UGT2A2: variants seen among roughly 807,000 people sequenced by gnomAD.
UGT2A2 encodes UDP glucuronosyltransferase family 2 member A2, also known as UDP-glucuronosyltransferase 2A2.
A neutral mutation model predicts 50.7 loss-of-function variants in UGT2A2; 60 were observed. That is an observed-to-expected ratio of 1.18 (90% CI 0.96 to 1.47). The LOEUF (loss-of-function observed/expected upper bound fraction) is 1.47. Among genes scored for constraint, UGT2A2 ranks in the 40% most tolerant of loss-of-function variants. The probability of loss-of-function intolerance (pLI) is 0.00; values close to 1 mark genes in which losing one functional copy is unlikely to be tolerated. For synonymous variants in UGT2A2, 242 were observed against 214.6 expected (o/e 1.13, Z -1.11); for missense variants, 762 against 634.0 (o/e 1.20, Z -2.17).
rs369273132 is a variant in UGT2A2, at chr4:69,639,478, T to C, written c.163A>G (p.Arg55Gly). The change falls in exon 1 of 6, where the codon AGA (arginine) becomes GGA (glycine). Residue 55 changes from arginine (R) to glycine (G), a missense_variant. Coordinates refer to ENST00000604629, the MANE Select transcript of UGT2A2 (RefSeq NM_001105677.2). ...GCCAGTACAGTCACATTGTGATTTC[T>C]TTGAATCAACTCTTCTAGAATAATC... ...IKIILEELIQ[R>G]NHNVTVLASS... 32 of 1,613,108 alleles carry C rather than the reference T, an allele frequency of 2.0e-5. No homozygotes were observed. In the African/African-American group the frequency reaches 4.0e-4, roughly 20 times the overall value.
At chr4:69,590,768 T>G (rs1216457620) in intron 5 of UGT2A2, among the ~76,000 whole-genome samples, 1 of 152,026 alleles carries the variant, frequency 6.6e-6, no homozygotes, top group African/African-American at 2.4e-5. Context: ...AATCAAAAAA[T>G]AAGAAGAAGA....
intron 1 of UGT2A2, among the ~76,000 whole-genome samples, chr4:69,600,034 C>T (rs1278238253): frequency 1.3e-5 from 2 of 152,202 alleles, no homozygotes; most frequent in South Asian, 2.1e-4. Flanking sequence ...CAAGAAGCAA[C>T]ACAGAAACTT....
chr4:69,593,149 C>T (rs1484655581), intron 5 of UGT2A2, among the ~76,000 whole-genome samples: 1 of 152,004 alleles, frequency 6.6e-6, no homozygotes, highest in Non-Finnish European at 1.5e-5. Flanking sequence ...GTGAATATTG[C>T]TAAACATTAT....
At chr4:69,615,618 A>T (rs1720333839) in intron 1 of UGT2A2, among the ~76,000 whole-genome samples, 1 of 152,080 alleles carries the variant, frequency 6.6e-6, no homozygotes, top group South Asian at 2.1e-4. Flanking sequence ...GAAATGGTCA[A>T]CATCACTATT....
At chr4:69,619,703 A>C (rs1390980840) in intron 1 of UGT2A2, among the ~76,000 whole-genome samples, 1 of 152,026 alleles carries the variant, frequency 6.6e-6, no homozygotes, top group Non-Finnish European at 1.5e-5. Context: ...ACAAAAAATA[A>C]AATAAAATTC....
chr4:69,626,999 G>C (rs776111440), intron 1 of UGT2A2, among the ~76,000 whole-genome samples: 51 of 151,626 alleles, frequency 3.4e-4, no homozygotes, highest in Non-Finnish European at 6.0e-4. Context: ...CACTTCTCCA[G>C]TGAACGGTAT....
At chr4:69,634,115 G>A (rs990343988) in intron 1 of UGT2A2, among the ~76,000 whole-genome samples, 1 of 151,918 alleles carries the variant, frequency 6.6e-6, no homozygotes, top group East Asian at 1.9e-4. Flanking sequence ...CTTGGTGACC[G>A]GCGCCTGTAG....
intron 1 of UGT2A2, among the ~76,000 whole-genome samples, chr4:69,608,756 C>A (rs540354190): frequency 6.6e-6 from 1 of 151,844 alleles, no homozygotes; most frequent in Non-Finnish European, 1.5e-5. Context: ...AGTGCAGTGG[C>A]GCCATCTCAG....
intron 1 of UGT2A2, among the ~76,000 whole-genome samples, chr4:69,603,182 C>A (rs1365742181): frequency 7.3e-6 from 1 of 136,166 alleles, no homozygotes; most frequent in Admixed American, 7.2e-5. Flanking sequence ...AAAATCCATA[C>A]GGAAAAGCAA....
chr4:69,612,235 A>C (rs192714115), intron 1 of UGT2A2, among the ~76,000 whole-genome samples: 125 of 152,178 alleles, frequency 8.2e-4, no homozygotes, highest in Non-Finnish European at 1.3e-3. Context: ...GAATTATTTG[A>C]AATAGAATAT....
At chr4:69,625,516 T>C (rs324309) in intron 1 of UGT2A2, among the ~76,000 whole-genome samples, 1 of 151,400 alleles carries the variant, frequency 6.6e-6, no homozygotes, top group Non-Finnish European at 1.5e-5. Flanking sequence ...AAATTCTTTT[T>C]TTCTATGCTG....
chr4:69,613,694 A>G (rs1720201974), intron 1 of UGT2A2, among the ~76,000 whole-genome samples: 1 of 152,070 alleles, frequency 6.6e-6, no homozygotes, highest in African/African-American at 2.4e-5. Flanking sequence ...TAAATGTGAT[A>G]CATCTTATCA....
At position 69,588,453 on chromosome 4, in the gene UGT2A2, A is replaced by G. The variant is rs1718378457; in HGVS notation, c.*919T>C. 1 of 152,132 alleles carries G rather than the reference A, an allele frequency of 6.6e-6. No individual in the cohort carries two copies. Among genetic ancestry groups the G allele is most frequent in the African/African-American group, 2.4e-5 (1 of 41,454 alleles). The allele number at this position is 152,132 out of a possible 1,614,324, so 9.4% of individuals were successfully genotyped here. ...GTAAGCATTTTTTATTTTTTGGCATAAAATTAAACTTTTGATTACAAATAG... is the reference window on the plus strand; with the variant it reads ...GTAAGCATTTTTTATTTTTTGGCATGAAATTAAACTTTTGATTACAAATAG... On this transcript the variant is annotated 3_prime_UTR_variant, in exon 6 of 6. Coordinates refer to ENST00000604629, the MANE Select transcript of UGT2A2 (RefSeq NM_001105677.2).
chr4:69,592,136 A>G lies in UGT2A2; in HGVS notation c.1331+2341T>C, dbSNP rs533887071. ...ATGCCTGGCAAAGGTCACTGAATAG[A>G]TGTTTTTAAGCAGGTTACTTCCGTT... On this transcript the variant is annotated intron_variant, in intron 5 of 5. Coordinates refer to ENST00000604629, the MANE Select transcript of UGT2A2 (RefSeq NM_001105677.2). Among the ~76,000 whole-genome samples the G allele has an allele frequency of 2.0e-5, 3 of 152,274 alleles. No homozygotes were observed. The South Asian group carries it at 6.2e-4, about 32-fold the overall frequency.
Position 69,599,265 on chromosome 4 carries a change from G to A in UGT2A2, c.872C>T (p.Pro291Leu). The A allele has an allele frequency of 1.9e-6, 3 of 1,613,588 alleles. No homozygotes were observed. Among genetic ancestry groups the A allele is most frequent in the Non-Finnish European group, 2.5e-6 (3 of 1,179,814 alleles). Residue 291 changes from proline to leucine, a missense_variant, in exon 2 of 6, where the codon CCT becomes CTT. By Grantham distance (98) the Pro-to-Leu change is moderately conservative (BLOSUM62 -3). Coordinates refer to ENST00000604629, the MANE Select transcript of UGT2A2 (RefSeq NM_001105677.2). Reference protein sequence around the residue: ...FEFVGGLHCKPAKPLPKEMEE... With the variant: ...FEFVGGLHCKLAKPLPKEMEE... Reference sequence around the variant, plus strand: ...ACCTACCTTAGGTAAAGGTTTGGCAGGTTTGCAGTGCAATCCTCCAACAAA... The same window carrying A: ...ACCTACCTTAGGTAAAGGTTTGGCAAGTTTGCAGTGCAATCCTCCAACAAA...
At chr4:69,596,953 A>G (rs1718967613) in intron 2 of UGT2A2, among the ~76,000 whole-genome samples, 1 of 152,244 alleles carries the variant, frequency 6.6e-6, no homozygotes, top group South Asian at 2.1e-4. Flanking sequence ...AACTCTTCTC[A>G]TGCTAACTGA....
In UGT2A2 at chr4:69,639,437, T is replaced by A. The variant is rs774613696; in HGVS notation, c.204A>T (p.Leu68=). ...NVTVLASSAT[L]FINSNPDSPV... ...GAGAATCGGGATTGGAGTTGATGAATAGAGTTGCTGATGAAGCCAGTACAG... is the reference window on the plus strand; with the variant it reads ...GAGAATCGGGATTGGAGTTGATGAAAAGAGTTGCTGATGAAGCCAGTACAG... Residue 68 remains leucine (L), a synonymous_variant, in exon 1 of 6, where the codon CTA becomes CTT. Transcript: ENST00000604629. 6.8e-6 allele frequency: 11 copies of A among 1,613,248 alleles called. No individual in the cohort carries two copies. The highest frequency in any genetic ancestry group is 9.3e-6 in the Non-Finnish European group (11 of 1,179,552).
At position 69,612,693 on chromosome 4, in the gene UGT2A2, C is replaced by T. The variant is rs186406068; in HGVS notation, c.743-13299G>A. ...CTAGCCATATGCAGAAGAAAGAAAC[C>T]GGATTGTCACAATTTACCCTATAAA... On this transcript the variant is annotated intron_variant, in intron 1 of 5. Coordinates refer to ENST00000604629, the MANE Select transcript of UGT2A2 (RefSeq NM_001105677.2). 3.2e-4 allele frequency among the ~76,000 whole-genome samples: 48 copies of T among 151,754 alleles called. 1 individual carries two copies. Among genetic ancestry groups the T allele is most frequent in the African/African-American group, 1.0e-3 (43 of 41,466 alleles).
intron 1 of UGT2A2, among the ~76,000 whole-genome samples, chr4:69,634,461 CAGAAAAGAAACTATAGTTG>C (rs1263595118): frequency 6.6e-6 from 1 of 151,722 alleles, no homozygotes; most frequent in South Asian, 2.1e-4. Context: ...ACACTGGGCC[CAGAAAAGAAACTATAGTTG>C]AAATACAAAT....
Sources: allele counts gnomAD v4.1 joint callset (sites outside exome capture counted in the v4.1 genomes callset), GRCh38; gene constraint gnomAD v4.1.1; transcripts MANE v1.5; gene names NCBI Gene and HGNC (gene_info 2026-07-23, HGNC 2026-07-21).